The following ADCY7 variants were observed in gnomAD, a reference collection of about 807,000 sequenced individuals.
ADCY7 encodes adenylate cyclase type 7.
A neutral mutation model predicts 120.6 loss-of-function variants in ADCY7; 72 were observed. That is an observed-to-expected ratio of 0.60 (90% CI 0.49 to 0.73). The LOEUF (loss-of-function observed/expected upper bound fraction) is 0.73, where lower values mean the gene tolerates loss of function less well. ADCY7 is among the 30% of genes least tolerant of loss of function. The pLI is 0.00. For synonymous variants in ADCY7, 661 were observed against 628.0 expected, an observed-to-expected ratio of 1.05 and a Z score of -0.78; for missense variants, 1,227 against 1,486.0, an observed-to-expected ratio of 0.83 and a Z score of 2.87.
chr16:50,305,078 G>A, intron 12 of ADCY7, 119 bp downstream of exon 12: 4 of 1,327,304 alleles, frequency 3.0e-6, no homozygotes, highest in South Asian at 1.2e-5. Context: ...CCTCTGTGAA[G>A]TTGGCCAGGG....
rs769042923 is a variant in ADCY7 at position 50,315,532 on chromosome 16, C to T, written c.*27C>T. On this transcript the variant is annotated 3_prime_UTR_variant, in exon 26 of 26. Coordinates refer to ENST00000673801, the MANE Select transcript of ADCY7 (RefSeq NM_001114.5). ...GGCTCCTGCTGGATTCCGAAAAGGC[C>T]GGGAAGCCAGTCTCCTTCCCTGAAG... 35 of 1,595,282 alleles carry T rather than the reference C, an allele frequency of 2.2e-5. No individual in the cohort carries two copies. The highest frequency in any genetic ancestry group is 1.7e-4 in the Middle Eastern group (1 of 5,990).
chr16:50,293,476 C>G lies in ADCY7; in HGVS notation c.810C>G (p.Leu270=). 1.2e-6 allele frequency: 2 copies of G among 1,614,052 alleles called. No homozygotes were observed. Among genetic ancestry groups the G allele is most frequent in the African/African-American group, 1.3e-5 (1 of 75,062 alleles). ...RCMPDNNFHS[L]YVKRHQNVSI... ...TGCCTGACAACAACTTCCACAGCCT[C>G]TACGTCAAGAGGCACCAGAATGTCA... is the stretch of plus-strand genomic sequence containing the variant. The change falls in exon 6 of 26, where the codon CTC becomes CTG. Residue 270 remains leucine, a synonymous_variant. Coordinates refer to ENST00000673801, the MANE Select transcript of ADCY7 (RefSeq NM_001114.5).
chr16:50,313,765 G>T (rs966044388), intron 22 of ADCY7, 193 bp from the exon 23 acceptor site: 3 of 580,452 alleles, frequency 5.2e-6, no homozygotes, highest in Non-Finnish European at 6.1e-6. Context: ...GAGACAACAG[G>T]AAGAGCAGGA....
intron 15 of ADCY7, 141 bp from the exon 16 acceptor site, chr16:50,308,184 CCA>C (rs2036205155): frequency 7.0e-7 from 1 of 1,430,798 alleles, no homozygotes; most frequent in Non-Finnish European, 9.7e-7. Flanking sequence ...GGCAGCTGGG[CCA>C]CAGTTTTCAC....
At chr16:50,296,028 GC>G (rs2035328701) in intron 7 of ADCY7, among the ~76,000 whole-genome samples, 1 of 152,154 alleles carries the variant, frequency 6.6e-6, no homozygotes, top group Admixed American at 6.5e-5. Context: ...AAACACCAGT[GC>G]CCATGTCCAC....
chr16:50,313,750 G>A (rs1198209580), intron 22 of ADCY7: 1 of 572,736 alleles, frequency 1.7e-6, no homozygotes, highest in East Asian at 2.8e-5. Flanking sequence ...GACAGTGTGG[G>A]GACGGAGACA....
chr16:50,278,830 T>C (rs2034063885), intron 1 of ADCY7, among the ~76,000 whole-genome samples: 1 of 150,998 alleles, frequency 6.6e-6, no homozygotes, highest in African/African-American at 2.4e-5. Flanking sequence ...TACTCTGGGT[T>C]GCATCTGTCC....
intron 1 of ADCY7, among the ~76,000 whole-genome samples, chr16:50,249,446 A>AACG (rs71874202): frequency 2.6e-5 from 1 of 38,000 alleles, no homozygotes; most frequent in East Asian, 2.8e-3. Context: ...CTCCGTCTAA[A>AACG]ACAACAACAA....
intron 5 of ADCY7, among the ~76,000 whole-genome samples, 168 bp from the exon 6 acceptor site, chr16:50,293,186 T>TG (rs1410192381): frequency 2.6e-5 from 4 of 152,006 alleles, no homozygotes; most frequent in African/African-American, 9.7e-5. Context: ...GTTGGGTTGG[T>TG]GGAGGACAAG....
At chr16:50,282,645 A>G (rs1296861913) in intron 1 of ADCY7, among the ~76,000 whole-genome samples, 3 of 151,452 alleles carry the variant, frequency 2.0e-5, no homozygotes, top group Non-Finnish European at 4.4e-5. Flanking sequence ...TTGGGATATT[A>G]TGGGATTTCT....
rs769867359 is a variant in ADCY7 at position 50,316,266 on chromosome 16, G to C, written c.*761G>C. 2.6e-5 allele frequency: 4 copies of C among 152,390 alleles called. No homozygotes were observed. Among genetic ancestry groups the C allele is most frequent in the African/African-American group, 7.2e-5 (3 of 41,444 alleles). The allele number at this position is 152,390 out of a possible 1,614,324, so 9.4% of individuals were successfully genotyped here. ...ATGGGGTCAGCTGGCTGTGGGGATAGAGTCCTGAGGAATGTGGTCACAGCA... is the reference window on the plus strand; with the variant it reads ...ATGGGGTCAGCTGGCTGTGGGGATACAGTCCTGAGGAATGTGGTCACAGCA... On this transcript the variant is annotated 3_prime_UTR_variant, in exon 26 of 26. Coordinates refer to ENST00000673801, the MANE Select transcript of ADCY7 (RefSeq NM_001114.5).
At chr16:50,298,725 C>A (rs1055667055) in intron 7 of ADCY7, among the ~76,000 whole-genome samples, 179 bp from the exon 8 acceptor site, 1 of 152,140 alleles carries the variant, frequency 6.6e-6, no homozygotes, top group African/African-American at 2.4e-5. Flanking sequence ...CCTGGGGAGG[C>A]CCCCATGTCG....
intron 1 of ADCY7, among the ~76,000 whole-genome samples, chr16:50,257,946 C>T (rs1412215127): frequency 6.6e-6 from 1 of 151,922 alleles, no homozygotes; most frequent in Non-Finnish European, 1.5e-5. Flanking sequence ...GATTTCACCA[C>T]GTTGCCCAGG....
At chr16:50,253,544 G>T (rs536249078) in intron 1 of ADCY7, among the ~76,000 whole-genome samples, 3 of 152,144 alleles carry the variant, frequency 2.0e-5, no homozygotes, top group Non-Finnish European at 4.4e-5. Context: ...GTGAGCCACC[G>T]CACCCAGCCA....
At chr16:50,268,427 A>T (rs2033352307) in intron 1 of ADCY7, among the ~76,000 whole-genome samples, 1 of 151,642 alleles carries the variant, frequency 6.6e-6, no homozygotes, top group African/African-American at 2.4e-5. Flanking sequence ...TTAAGACAGG[A>T]TCTCACTCTG....
At chr16:50,298,752 G>GC in intron 7 of ADCY7, 152 bp from the exon 8 acceptor site, 1 of 1,114,800 alleles carries the variant, frequency 9.0e-7, no homozygotes, top group Admixed American at 2.4e-5. Flanking sequence ...CTTTTGCCAG[G>GC]CCCAGAAGTG....
upstream of ADCY7, among the ~76,000 whole-genome samples, chr16:50,265,708 G>T (rs1158715601): frequency 1.3e-5 from 2 of 152,200 alleles, no homozygotes; most frequent in Admixed American, 6.5e-5. Flanking sequence ...GGTGGAGGAG[G>T]TACACCATTG....
intron 2 of ADCY7, 83 bp from the exon 3 acceptor site, chr16:50,290,374 G>A (rs866605292): frequency 2.0e-6 from 3 of 1,485,522 alleles, no homozygotes; most frequent in Middle Eastern, 3.5e-4. Context: ...TGTAAGTGAG[G>A]CAGCCGGCCC....
intron 2 of ADCY7, among the ~76,000 whole-genome samples, chr16:50,290,225 G>A (rs2034854334): frequency 6.6e-6 from 1 of 152,230 alleles, no homozygotes; most frequent in South Asian, 2.1e-4. Context: ...ATCATGGGCG[G>A]GGCTGTGGGT....
Sources: allele counts gnomAD v4.1 joint callset (sites outside exome capture counted in the v4.1 genomes callset), GRCh38; gene constraint gnomAD v4.1.1; transcripts MANE v1.5; gene names NCBI Gene and HGNC (gene_info 2026-07-23, HGNC 2026-07-21).